CPEB3: variants seen among roughly 807,000 people sequenced by gnomAD.
CPEB3 encodes the protein cytoplasmic polyadenylation element binding protein 3, also known as cytoplasmic polyadenylation element-binding protein 3.
In CPEB3, 20 loss-of-function variants were observed where a neutral mutation model predicts 67.2. That is an observed-to-expected ratio of 0.30 (90% CI 0.21 to 0.43). The LOEUF is 0.43. CPEB3 is among the 20% of genes least tolerant of loss of function. The pLI is 1.00. For synonymous variants in CPEB3, 376 were observed against 393.1 expected (o/e 0.96, Z 0.51); for missense variants, 746 against 968.6 (o/e 0.77, Z 3.05).
chr10:92,216,355 C>T (rs1292114157), intron 2 of CPEB3: 5 of 1,607,940 alleles, frequency 3.1e-6, no homozygotes, highest in Non-Finnish European at 3.4e-6. Flanking sequence ...AGGCAGATCC[C>T]GAAGGGCCCG....
intron 1 of CPEB3, among the ~76,000 whole-genome samples, chr10:92,242,708 GC>G (rs1358905082): frequency 2.6e-5 from 4 of 152,064 alleles, no homozygotes; most frequent in African/African-American, 9.7e-5. Context: ...CTGTACCTCA[GC>G]AAAAAAGCCA....
intron 4 of CPEB3, among the ~76,000 whole-genome samples, chr10:92,168,100 A>T (rs140351142): frequency 6.6e-6 from 1 of 152,350 alleles, no homozygotes; most frequent in Non-Finnish European, 1.5e-5. Context: ...TTTATAAAAA[A>T]CATAATTCTA....
At chr10:92,224,585 C>T (rs1469962996) in intron 2 of CPEB3, among the ~76,000 whole-genome samples, 1 of 152,058 alleles carries the variant, frequency 6.6e-6, no homozygotes, top group Non-Finnish European at 1.5e-5. Flanking sequence ...AACAACAACC[C>T]TGGCTGAGCA....
At chr10:92,275,840 C>CTTTT (rs982965337) in intron 1 of CPEB3, among the ~76,000 whole-genome samples, 14 of 130,702 alleles carry the variant, frequency 1.1e-4, no homozygotes, top group Non-Finnish European at 1.2e-4. Flanking sequence ...GTACTTCATT[C>CTTTT]TTTTCTTTTT....
chr10:92,080,164 GCCA>G (rs1843087831), intron 9 of CPEB3, among the ~76,000 whole-genome samples: 4 of 148,736 alleles, frequency 2.7e-5, no homozygotes, highest in African/African-American at 1.0e-4. Context: ...CCAAGATTGC[GCCA>G]CTGCACTCCA....
intron 1 of CPEB3, among the ~76,000 whole-genome samples, chr10:92,266,223 G>A (rs549332615): frequency 2.6e-5 from 4 of 152,120 alleles, no homozygotes; most frequent in African/African-American, 9.6e-5. Flanking sequence ...TGTCATAAGC[G>A]ACAGAAAACA....
At position 92,046,905 on chromosome 10, in the gene CPEB3, G is replaced by T. The variant is rs1590025997; in HGVS notation, c.*5307C>A. Reference sequence around the variant, plus strand: ...CAATCTAAGAGAACAGGTAATAAAAGATACAATACATTTAAAATTAGTTGT... The same window carrying T: ...CAATCTAAGAGAACAGGTAATAAAATATACAATACATTTAAAATTAGTTGT... On this transcript the variant is annotated 3_prime_UTR_variant, in exon 10 of 10. Coordinates refer to ENST00000265997, the MANE Select transcript of CPEB3 (RefSeq NM_014912.5). 1 of 152,130 alleles carries T rather than the reference G, an allele frequency of 6.6e-6. No homozygotes were observed. The highest frequency in any genetic ancestry group is 2.1e-4 in the South Asian group (1 of 4,832). 9.4% of individuals were successfully genotyped at this position (152,130 alleles called of 1,614,324 possible). A position where few individuals can be genotyped will look rare whatever the true frequency, so the allele number is the denominator to read the frequency against.
intron 9 of CPEB3, among the ~76,000 whole-genome samples, chr10:92,078,563 TC>T (rs1218769289): frequency 6.6e-6 from 1 of 152,180 alleles, no homozygotes; most frequent in Non-Finnish European, 1.5e-5. Context: ...AATTCCCTAC[TC>T]TTTCCACTAC....
At chr10:92,249,680 T>A (rs1206216787) in intron 1 of CPEB3, among the ~76,000 whole-genome samples, 3 of 149,930 alleles carry the variant, frequency 2.0e-5, no homozygotes, top group Admixed American at 1.3e-4. Flanking sequence ...TAAAAAAAAA[T>A]TAGAAATTTT....
chr10:92,093,223 C>A (rs1007822327), intron 7 of CPEB3, among the ~76,000 whole-genome samples: 9 of 152,254 alleles, frequency 5.9e-5, no homozygotes, highest in Non-Finnish European at 1.0e-4. Context: ...TGGTATCTGT[C>A]CTCAAGGAAC....
At chr10:92,161,374 C>T (rs938570038) in intron 4 of CPEB3, among the ~76,000 whole-genome samples, 11 of 151,798 alleles carry the variant, frequency 7.2e-5, no homozygotes, top group South Asian at 2.1e-4. Context: ...TGGATTCAAC[C>T]GATTCTCCTG....
intron 2 of CPEB3, among the ~76,000 whole-genome samples, chr10:92,218,088 G>A (rs976450660): frequency 3.3e-5 from 5 of 152,194 alleles, no homozygotes; most frequent in African/African-American, 4.8e-5. Context: ...CTGCAGCCTG[G>A]GTAAAAGAGT....
At chr10:92,117,455 G>A (rs1236784895) in intron 6 of CPEB3, among the ~76,000 whole-genome samples, 28 of 147,264 alleles carry the variant, frequency 1.9e-4, no homozygotes, top group African/African-American at 6.5e-4. Flanking sequence ...TCAGCCTCCC[G>A]AGTAGCTGGG....
At chr10:92,168,341 AC>A (rs1847841096) in intron 4 of CPEB3, among the ~76,000 whole-genome samples, 1 of 152,222 alleles carries the variant, frequency 6.6e-6, no homozygotes, top group South Asian at 2.1e-4. Context: ...AAGTGTTTTT[AC>A]CTGGTTCTGC....
rs1178119845 is a variant in CPEB3, at chr10:92,091,866, T to C, written c.1651A>G (p.Ile551Val). ...GSQPLDPRKT[I>V]FVGGVPRPLR... Reference sequence around the variant, plus strand: ...GGTCGTGGAACTCCCCCAACAAAGATAGTTTTTCTGGGGTCCAAAGGCTGA... The same window carrying C: ...GGTCGTGGAACTCCCCCAACAAAGACAGTTTTTCTGGGGTCCAAAGGCTGA... Residue 551 changes from isoleucine (I) to valine (V), a missense_variant, in exon 8 of 10, where the codon ATC (isoleucine) becomes GTC (valine). Physicochemically the swap from Ile to Val is conservative, Grantham distance 29. Around this residue, in one of 2 missense-constraint regions of CPEB3, gnomAD observed 103 missense variants for 251.1 expected, o/e 0.41. Coordinates refer to ENST00000265997, the MANE Select transcript of CPEB3 (RefSeq NM_014912.5). 4 of 1,613,730 alleles carry C rather than the reference T, an allele frequency of 2.5e-6. No individual in the cohort carries two copies. The highest frequency in any genetic ancestry group is 1.3e-5 in the African/African-American group (1 of 74,916).
At chr10:92,100,731 A>G (rs540069523) in intron 7 of CPEB3, among the ~76,000 whole-genome samples, 2 of 152,252 alleles carry the variant, frequency 1.3e-5, no homozygotes, top group South Asian at 4.1e-4. Flanking sequence ...AGCTGGGACT[A>G]CAGGTGCCCG....
chr10:92,102,617 T>C (rs771394270), intron 7 of CPEB3, among the ~76,000 whole-genome samples: 6 of 152,234 alleles, frequency 3.9e-5, no homozygotes, highest in Non-Finnish European at 8.8e-5. Flanking sequence ...ATAAGGGCAC[T>C]CAGTGCAGAA....
intron 9 of CPEB3, among the ~76,000 whole-genome samples, chr10:92,068,704 A>C (rs1423524218): frequency 6.6e-6 from 1 of 152,246 alleles, no homozygotes; most frequent in African/African-American, 2.4e-5. Context: ...GGGAGGAGAC[A>C]TGAAAGAACA....
chr10:92,204,021 A>G (rs1849662009), intron 2 of CPEB3, among the ~76,000 whole-genome samples: 1 of 151,998 alleles, frequency 6.6e-6, no homozygotes, highest in African/African-American at 2.4e-5. Flanking sequence ...GCTTCTGATG[A>G]GTTGTTTTTT....
Sources: gnomAD v4.1 joint callset for allele counts (sites outside exome capture counted in the v4.1 genomes callset) on GRCh38, gnomAD v4.1.1 for gene constraint, gnomAD v4.1.1 regional missense constraint, MANE v1.5 for transcripts, NCBI Gene and HGNC (gene_info 2026-07-23, HGNC 2026-07-21) for gene names.